HYCC1: variants seen among roughly 807,000 people sequenced by gnomAD.
HYCC1 encodes the protein hyccin.
chr7:22,999,006 T>G, the HYCC1 span, among the ~76,000 whole-genome samples: 1 of 152,162 alleles, frequency 6.6e-6, no homozygotes, highest in African/African-American at 2.4e-5. Flanking sequence ...TAGGAAAAAC[T>G]TGGGGCTCTT....
chr7:23,010,198 T>C, the HYCC1 span, among the ~76,000 whole-genome samples: 3 of 152,362 alleles, frequency 2.0e-5, no homozygotes, highest in African/African-American at 7.2e-5. Context: ...TTTAACATTA[T>C]ATTCTTAGAG....
At chr7:22,918,794 A>G in the HYCC1 span, among the ~76,000 whole-genome samples, 2 of 151,632 alleles carry the variant, frequency 1.3e-5, no homozygotes, top group Non-Finnish European at 2.9e-5. Context: ...CCCAAATCCT[A>G]TAAAACTGCC....
At chr7:22,901,143 C>A in the HYCC1 span, among the ~76,000 whole-genome samples, 314 of 148,528 alleles carry the variant, frequency 2.1e-3, 2 homozygotes, top group African/African-American at 7.4e-3. Flanking sequence ...ATCGCTTGAG[C>A]CCAGGAAGTT....
chr7:23,007,411 C>T, the HYCC1 span, among the ~76,000 whole-genome samples: 1 of 152,064 alleles, frequency 6.6e-6, no homozygotes, highest in Non-Finnish European at 1.5e-5. Context: ...AAATAATAAT[C>T]TTCACCTCAC....
At chr7:22,946,685 A>G in the HYCC1 span, among the ~76,000 whole-genome samples, 1 of 152,132 alleles carries the variant, frequency 6.6e-6, no homozygotes, top group South Asian at 2.1e-4. Flanking sequence ...ATTATCCTTC[A>G]TAACAAAGAT....
the HYCC1 span, among the ~76,000 whole-genome samples, chr7:22,929,633 C>T: frequency 3.3e-5 from 5 of 152,126 alleles, no homozygotes; most frequent in Non-Finnish European, 7.3e-5. Flanking sequence ...CAAATCAAAA[C>T]CACAATGAGA....
At chr7:22,983,185 C>T in the HYCC1 span, among the ~76,000 whole-genome samples, 15 of 151,822 alleles carry the variant, frequency 9.9e-5, no homozygotes, top group South Asian at 3.1e-3. Flanking sequence ...AAAAATTGGC[C>T]AGGTGTGATG....
chr7:22,898,269 A>C, the HYCC1 span, among the ~76,000 whole-genome samples: 1 of 151,910 alleles, frequency 6.6e-6, no homozygotes, highest in African/African-American at 2.4e-5. Flanking sequence ...GCTGGAGTGC[A>C]GTGGCGCGAT....
At chr7:22,982,327 A>G in the HYCC1 span, among the ~76,000 whole-genome samples, 1 of 152,186 alleles carries the variant, frequency 6.6e-6, no homozygotes, top group Non-Finnish European at 1.5e-5. Flanking sequence ...ATTCCAGTTA[A>G]AGTTTTTTGG....
chr7:22,940,234 C>CTTTT, the HYCC1 span: 3 of 76,152 alleles, frequency 3.9e-5, no homozygotes, highest in African/African-American at 1.7e-4. Context: ...TTAATAGGTT[C>CTTTT]TGTTTTTTTT....
chr7:23,012,276 G>A, the HYCC1 span, among the ~76,000 whole-genome samples: 2 of 152,072 alleles, frequency 1.3e-5, no homozygotes, highest in African/African-American at 4.8e-5. Context: ...CACCGTCAAA[G>A]ACACCAGTCT....
chr7:22,975,366 A>G, the HYCC1 span, among the ~76,000 whole-genome samples: 1 of 152,358 alleles, frequency 6.6e-6, no homozygotes, highest in Admixed American at 6.5e-5. Flanking sequence ...CAATCAGGAA[A>G]TCATACCATA....
the HYCC1 span, among the ~76,000 whole-genome samples, chr7:22,984,556 C>T: frequency 1.9e-4 from 29 of 151,904 alleles, no homozygotes; most frequent in Non-Finnish European, 2.4e-4. Context: ...CTCGTCTCTA[C>T]AAAAAAACAA....
chr7:22,898,039 GTTTC>G, the HYCC1 span, among the ~76,000 whole-genome samples: 104 of 151,740 alleles, frequency 6.9e-4, no homozygotes, highest in Non-Finnish European at 9.6e-4. Context: ...GATTCCAAAT[GTTTC>G]TTTCTTTCTT....
At chr7:22,911,544 G>A in the HYCC1 span, among the ~76,000 whole-genome samples, 2 of 152,174 alleles carry the variant, frequency 1.3e-5, no homozygotes, top group African/African-American at 2.4e-5. Context: ...CGGATCACGA[G>A]GTCAAGAGAT....
chr7:22,968,841 C>T, the HYCC1 span, among the ~76,000 whole-genome samples: 3 of 152,100 alleles, frequency 2.0e-5, no homozygotes, highest in African/African-American at 7.2e-5. Flanking sequence ...CAAAAATTGG[C>T]CTGGCATGGT....
At chr7:22,990,229 C>A in the HYCC1 span, among the ~76,000 whole-genome samples, 52 of 152,294 alleles carry the variant, frequency 3.4e-4, no homozygotes, top group Admixed American at 1.3e-3. Context: ...TACCAGAATA[C>A]CGTTTCATTT....
chr7:22,917,494 T>A, the HYCC1 span, among the ~76,000 whole-genome samples: 292 of 152,296 alleles, frequency 1.9e-3, 2 homozygotes, highest in African/African-American at 6.4e-3. Context: ...TGTCCAGGAC[T>A]GGCAAATTGA....
the HYCC1 span, among the ~76,000 whole-genome samples, chr7:22,972,080 G>A: frequency 6.6e-6 from 1 of 151,860 alleles, no homozygotes; most frequent in Admixed American, 6.6e-5. Flanking sequence ...AAACAGGTGA[G>A]AAAAAAAATG....
Sources: gnomAD v4.1 joint callset for allele counts (sites outside exome capture counted in the v4.1 genomes callset) on GRCh38, gnomAD v4.1.1 for gene constraint, MANE v1.5 for transcripts, NCBI Gene and HGNC (gene_info 2026-07-23, HGNC 2026-07-21) for gene names.